The following GLIS1 variants were observed in gnomAD, a reference collection of about 807,000 sequenced individuals.
GLIS1 encodes the protein GLIS family zinc finger 1.
Under a neutral mutation model 63.8 loss-of-function variants are expected in GLIS1, and 24 were observed. That is an observed-to-expected ratio of 0.38 (90% CI 0.27 to 0.53). The LOEUF (loss-of-function observed/expected upper bound fraction) is 0.53, where lower values mean the gene tolerates loss of function less well. Among genes scored for constraint, GLIS1 ranks in the 20% least tolerant of loss-of-function variants. The pLI is 0.85. For missense variants in GLIS1, 1,036 were observed against 1,074.1 expected, an observed-to-expected ratio of 0.96 and a Z score of 0.50; for synonymous variants, 450 against 482.5, an observed-to-expected ratio of 0.93 and a Z score of 0.88.
intron 2 of GLIS1, among the ~76,000 whole-genome samples, chr1:53,656,767 T>A (rs1645970529): frequency 6.6e-6 from 1 of 152,112 alleles, no homozygotes; most frequent in African/African-American, 2.4e-5. Flanking sequence ...CTGATAAAGG[T>A]GGGCGTTAGC....
chr1:53,649,422 G>A (rs933713645), intron 2 of GLIS1, among the ~76,000 whole-genome samples: 6 of 152,174 alleles, frequency 3.9e-5, no homozygotes, highest in Non-Finnish European at 7.3e-5. Context: ...CATCATCTCC[G>A]TGTGAGCAGT....
chr1:53,531,665 ACAC>A (rs1384151092), intron 4 of GLIS1, among the ~76,000 whole-genome samples: 1 of 152,204 alleles, frequency 6.6e-6, no homozygotes, highest in Admixed American at 6.5e-5. Flanking sequence ...GCACACACGC[ACAC>A]CACCATAAAG....
At chr1:53,522,074 C>T (rs1168787264) in intron 6 of GLIS1, among the ~76,000 whole-genome samples, 1 of 152,264 alleles carries the variant, frequency 6.6e-6, no homozygotes, top group Admixed American at 6.5e-5. Flanking sequence ...TCTTGGCTCC[C>T]TGACCCAGCA....
intron 2 of GLIS1, among the ~76,000 whole-genome samples, chr1:53,684,181 T>G (rs1049155394): frequency 5.3e-5 from 8 of 152,030 alleles, no homozygotes; most frequent in African/African-American, 1.9e-4. Context: ...CCTGGGTCCA[T>G]GTCCTCCCCA....
Position 53,516,669 on chromosome 1 carries a change from C to T in GLIS1, c.1727-1888G>A, listed in dbSNP as rs531869588. On this transcript the variant is annotated intron_variant, in intron 7 of 10. Coordinates refer to ENST00000628545, the MANE Select transcript of GLIS1 (RefSeq NM_001367484.1). Reference sequence around the variant, plus strand: ...CTCTACCAAAAATACAAAAATTAGTCGGGCGTGGTGGCATGCACCTGTAAT... The same window carrying T: ...CTCTACCAAAAATACAAAAATTAGTTGGGCGTGGTGGCATGCACCTGTAAT... 2.0e-5 allele frequency among the ~76,000 whole-genome samples: 3 copies of T among 152,066 alleles called. No homozygotes were observed. The South Asian group carries it at 6.2e-4, about 32-fold the overall frequency.
In GLIS1 at chr1:53,594,398, G is replaced by C; in HGVS notation, c.1030C>G (p.Pro344Ala). ...GGGCCAGGCGGCAACTGAGACAGGGGATAGGGGGGCGGCAGGCCCTGCTGG... is the reference window on the plus strand; with the variant it reads ...GGGCCAGGCGGCAACTGAGACAGGGCATAGGGGGGCGGCAGGCCCTGCTGG... ...PHQQGLPPPY[P>A]LSQLPPGPSL... Residue 344 changes from proline to alanine, a missense_variant, in exon 4 of 11, where the codon CCC (proline) becomes GCC (alanine). Transcript: ENST00000628545. 6.2e-7 allele frequency: 1 copy of C among 1,612,246 alleles called. No homozygotes were observed. Among genetic ancestry groups the C allele is most frequent in the Non-Finnish European group, 8.5e-7 (1 of 1,179,534 alleles).
chr1:53,673,983 C>T (rs572206847), intron 2 of GLIS1, among the ~76,000 whole-genome samples: 1 of 152,116 alleles, frequency 6.6e-6, no homozygotes, highest in East Asian at 1.9e-4. Context: ...ACCAGCCTGA[C>T]CAACATGGTG....
At chr1:53,625,822 T>G (rs1442779494) in intron 2 of GLIS1, among the ~76,000 whole-genome samples, 4 of 152,224 alleles carry the variant, frequency 2.6e-5, no homozygotes, top group African/African-American at 4.8e-5. Context: ...ACAGAAACAG[T>G]GCCCAAGTAT....
intron 2 of GLIS1, among the ~76,000 whole-genome samples, chr1:53,652,531 G>T (rs1416356415): frequency 2.6e-5 from 4 of 152,122 alleles, no homozygotes; most frequent in East Asian, 1.9e-4. Context: ...CAGTTTATAT[G>T]TCCATGTCCC....
chr1:53,657,624 A>C (rs1161819332), intron 2 of GLIS1, among the ~76,000 whole-genome samples: 2 of 152,006 alleles, frequency 1.3e-5, no homozygotes, highest in Non-Finnish European at 2.9e-5. Context: ...GTGGAGGGGG[A>C]GAGGACCGGG....
intron 2 of GLIS1, among the ~76,000 whole-genome samples, chr1:53,650,621 G>A (rs887691574): frequency 1.3e-5 from 2 of 151,098 alleles, no homozygotes; most frequent in African/African-American, 2.4e-5. Flanking sequence ...CACACTTTAG[G>A]AAAGGCTTGG....
In GLIS1 at chr1:53,634,115, G is replaced by C. The variant is rs148151939; in HGVS notation, c.260-33837C>G. On this transcript the variant is annotated intron_variant, in intron 2 of 10. Coordinates refer to ENST00000628545, the MANE Select transcript of GLIS1 (RefSeq NM_001367484.1). ...GATGGAGTTGCCGTTTCCTGGGATG[G>C]AGACGATGGGAGAAGGAACGGGTTT... is the stretch of plus-strand genomic sequence containing the variant. Among the ~76,000 whole-genome samples, 18 of 152,320 alleles carry C rather than the reference G, an allele frequency of 1.2e-4. No individual in the cohort carries two copies. The East Asian group carries it at 3.1e-3, about 26-fold the overall frequency.
At chr1:53,523,460 G>A (rs1644432251) in intron 6 of GLIS1, among the ~76,000 whole-genome samples, 2 of 152,182 alleles carry the variant, frequency 1.3e-5, no homozygotes, top group Admixed American at 6.5e-5. Flanking sequence ...TCCTGGCAGT[G>A]TCCACAGTTC....
chr1:53,508,184 C>T (rs1644256402), intron 10 of GLIS1, among the ~76,000 whole-genome samples: 1 of 152,172 alleles, frequency 6.6e-6, no homozygotes, highest in African/African-American at 2.4e-5. Context: ...GAGAGTGCAG[C>T]CCTGCCAGCT....
At chr1:53,609,708 T>C (rs1263675331) in intron 2 of GLIS1, among the ~76,000 whole-genome samples, 1 of 152,260 alleles carries the variant, frequency 6.6e-6, no homozygotes, top group Non-Finnish European at 1.5e-5. Flanking sequence ...TATAGATCAG[T>C]ACAGTCATGC....
At chr1:53,577,139 T>A (rs3108390) in intron 4 of GLIS1, among the ~76,000 whole-genome samples, 111,422 of 144,958 alleles carry the variant, frequency 0.77, 44,946 homozygotes, top group East Asian at 0.92. Context: ...CTCCCCCCCC[T>A]CCATGCTTCT....
intron 2 of GLIS1, among the ~76,000 whole-genome samples, chr1:53,629,177 C>T (rs1645626387): frequency 6.6e-6 from 1 of 152,120 alleles, no homozygotes; most frequent in South Asian, 2.1e-4. Flanking sequence ...GCCAAGGATG[C>T]AACCCCGCCC....
chr1:53,606,344 G>A (rs1645369463), intron 2 of GLIS1, among the ~76,000 whole-genome samples: 1 of 152,198 alleles, frequency 6.6e-6, no homozygotes, highest in African/African-American at 2.4e-5. Context: ...CATGGGCGTG[G>A]CAGCCCCCTC....
intron 2 of GLIS1, among the ~76,000 whole-genome samples, chr1:53,668,971 C>T (rs1646124193): frequency 6.6e-6 from 1 of 152,176 alleles, no homozygotes; most frequent in Non-Finnish European, 1.5e-5. Flanking sequence ...TTTTATTTTA[C>T]AAGGTGCTTT....
Sources: gnomAD v4.1 joint callset for allele counts (sites outside exome capture counted in the v4.1 genomes callset) on GRCh38, gnomAD v4.1.1 for gene constraint, MANE v1.5 for transcripts, NCBI Gene and HGNC (gene_info 2026-07-23, HGNC 2026-07-21) for gene names.